AKAP12: variants seen among roughly 807,000 people sequenced by gnomAD.
AKAP12 encodes the protein A-kinase anchor protein 12.
In AKAP12, 32 loss-of-function variants were observed where a neutral mutation model predicts 79.9. That is an observed-to-expected ratio of 0.40 (90% CI 0.30 to 0.54). The LOEUF is 0.54. Among genes scored for constraint, AKAP12 ranks in the 20% least tolerant of loss-of-function variants. The pLI is 0.48. For missense variants in AKAP12, 2,074 were observed against 2,177.0 expected (o/e 0.95, Z 0.94); for synonymous variants, 808 against 857.0 (o/e 0.94, Z 1.00).
chr6:151,353,036 C>G lies in AKAP12; in HGVS notation c.4645C>G (p.Leu1549Val). The G allele has an allele frequency of 6.2e-7, 1 of 1,614,200 alleles. No homozygotes were observed. Among genetic ancestry groups the G allele is most frequent in the Non-Finnish European group, 8.5e-7 (1 of 1,180,044 alleles). ...ILELETKSSK[L>V]VQNIIQTAVD... ...GGAACTTGAGACCAAAAGCAGTAAA[C>G]TTGTCCAAAACATCATCCAGACAGC... Residue 1549 changes from leucine (L) to valine (V), a missense_variant, in exon 4 of 5, where the codon CTT (leucine) becomes GTT (valine). By Grantham distance (32) the Leu-to-Val change is conservative. Coordinates refer to ENST00000402676, the MANE Select transcript of AKAP12 (RefSeq NM_005100.4).
At chr6:151,340,222 G>A (rs1165271171) in intron 3 of AKAP12, among the ~76,000 whole-genome samples, 1 of 149,346 alleles carries the variant, frequency 6.7e-6, no homozygotes, top group East Asian at 2.0e-4. Context: ...ATGAGCCACC[G>A]CGCCCAGCGG....
Position 151,248,900 on chromosome 6 carries a change from T to C in AKAP12, c.162+8176T>C, listed in dbSNP as rs140018059. Among the ~76,000 whole-genome samples the C allele has an allele frequency of 1.9e-3, 295 of 151,938 alleles. 10 individuals carry two copies. The East Asian group carries it at 0.032, about 16-fold the overall frequency. Reference sequence around the variant, plus strand: ...TACTCGGGAGGCTGAGGCAGGAGAATCGCTTGAACCTAGGAGGTGGAGGTT... The same window carrying C: ...TACTCGGGAGGCTGAGGCAGGAGAACCGCTTGAACCTAGGAGGTGGAGGTT... On this transcript the variant is annotated intron_variant, in intron 2 of 4. Coordinates refer to ENST00000402676, the MANE Select transcript of AKAP12 (RefSeq NM_005100.4).
At chr6:151,315,247 T>C (rs540336046) in intron 3 of AKAP12, among the ~76,000 whole-genome samples, 2 of 152,308 alleles carry the variant, frequency 1.3e-5, no homozygotes, top group East Asian at 1.9e-4. Context: ...TTATTACTTA[T>C]AGTTCTGGAG....
chr6:151,288,766 T>C (rs1582858407), intron 2 of AKAP12, among the ~76,000 whole-genome samples: 1 of 152,230 alleles, frequency 6.6e-6, no homozygotes, highest in African/African-American at 2.4e-5. Context: ...AATTACTGTC[T>C]TCTGCCTCCT....
intron 2 of AKAP12, among the ~76,000 whole-genome samples, chr6:151,294,758 G>A (rs976058901): frequency 6.6e-6 from 1 of 152,176 alleles, no homozygotes; most frequent in African/African-American, 2.4e-5. Context: ...AGAGAACTCG[G>A]GAGTTTTAAT....
Position 151,350,914 on chromosome 6 carries a change from T to C in AKAP12, c.2523T>C (p.Ser841=). ...AGPTGANEDD[S]DVPAVVPLSE... ...CAACAGGGGCCAACGAAGATGACTC[T>C]GATGTCCCGGCCGTGGTCCCTCTGT... The change falls in exon 4 of 5, where the codon TCT becomes TCC. Residue 841 remains serine, a synonymous_variant. Transcript: ENST00000402676. The surrounding 1 kb of genome is among the most constrained non-coding windows in gnomAD (Gnocchi z 4.8). The C allele has an allele frequency of 6.2e-7, 1 of 1,614,058 alleles. No homozygotes were observed. Among genetic ancestry groups the C allele is most frequent in the East Asian group, 2.2e-5 (1 of 44,862 alleles).
At chr6:151,278,632 A>G (rs1776332400) in intron 2 of AKAP12, among the ~76,000 whole-genome samples, 1 of 151,654 alleles carries the variant, frequency 6.6e-6, no homozygotes, top group African/African-American at 2.4e-5. Context: ...TCTCTCTGAG[A>G]TGATGTTATT....
At chr6:151,321,804 G>A (rs762944699) in intron 3 of AKAP12, among the ~76,000 whole-genome samples, 110 of 151,744 alleles carry the variant, frequency 7.2e-4, no homozygotes, top group Non-Finnish European at 1.2e-3. Flanking sequence ...TCCCAATAGC[G>A]ATGTGTGAGG....
At chr6:151,340,766 T>C (rs968224565) in intron 3 of AKAP12, among the ~76,000 whole-genome samples, 3 of 120,790 alleles carry the variant, frequency 2.5e-5, no homozygotes, top group African/African-American at 1.4e-4. Context: ...CCATTGTGTT[T>C]TTGCTTGATT....
chr6:151,349,478 G>C lies in AKAP12; in HGVS notation c.1087G>C (p.Glu363Gln). The change falls in exon 4 of 5, where the codon GAA becomes CAA. Residue 363 changes from glutamate (E) to glutamine (Q), a missense_variant. Transcript: ENST00000402676. The part of the protein sequence containing the change: ...SEQAHPQEPA[E>Q]SAHEPRLSAE... ...GCAAGCCCACCCACAGGAGCCGGCA[G>C]AAAGTGCCCACGAGCCCCGGTTATC... 6.2e-7 allele frequency: 1 copy of C among 1,606,880 alleles called. No homozygotes were observed. The highest frequency in any genetic ancestry group is 8.5e-7 in the Non-Finnish European group (1 of 1,177,940).
At chr6:151,322,671 C>G (rs990053773) in intron 3 of AKAP12, among the ~76,000 whole-genome samples, 4 of 140,882 alleles carry the variant, frequency 2.8e-5, no homozygotes, top group African/African-American at 1.3e-4. Flanking sequence ...AGAGGTGAGC[C>G]AAACTAGAGC....
intron 3 of AKAP12, among the ~76,000 whole-genome samples, chr6:151,321,821 C>T (rs3963366): frequency 6.6e-6 from 1 of 151,398 alleles, no homozygotes; most frequent in African/African-American, 2.4e-5. Context: ...GAGGGTTCCA[C>T]CTTCTCCATT....
intron 3 of AKAP12, among the ~76,000 whole-genome samples, chr6:151,312,387 C>T (rs115998837): frequency 0.011 from 1,649 of 152,050 alleles, 35 homozygotes; most frequent in African/African-American, 0.038. Context: ...GTGGGAGGAT[C>T]GCTTGACTTG....
chr6:151,240,413 C>G lies in AKAP12; in HGVS notation c.-150C>G, dbSNP rs1796947250. 2 of 788,588 alleles carry G rather than the reference C, an allele frequency of 2.5e-6. No homozygotes were observed. The highest frequency in any genetic ancestry group is 1.7e-6 in the Non-Finnish European group (1 of 576,296). 48.8% of individuals were successfully genotyped at this position (788,588 alleles called of 1,614,324 possible). A position where few individuals can be genotyped will look rare whatever the true frequency, so the allele number is the denominator to read the frequency against. ...TTGCCGCGAGCGCGTCTCCTTCATT[C>G]GCAGGCTGGGCGCGTTCGCAGTCGG... On this transcript the variant is annotated 5_prime_UTR_variant, in exon 2 of 5. Coordinates refer to ENST00000402676, the MANE Select transcript of AKAP12 (RefSeq NM_005100.4).
intron 4 of AKAP12, 60 bp downstream of exon 4, chr6:151,353,812 G>A: frequency 8.3e-7 from 1 of 1,208,826 alleles, no homozygotes; most frequent in Non-Finnish European, 1.1e-6. Flanking sequence ...TGGCAAATTT[G>A]TTACATAAGG....
rs1778437096 is a variant in AKAP12, at chr6:151,356,260, A to G, written c.*546A>G. 6.6e-6 allele frequency: 1 copy of G among 152,650 alleles called. No homozygotes were observed. Among genetic ancestry groups the G allele is most frequent in the Non-Finnish European group, 1.5e-5 (1 of 68,044 alleles). The allele number at this position is 152,650 out of a possible 1,614,324, so 9.5% of individuals were successfully genotyped here. A position where few individuals can be genotyped will look rare whatever the true frequency, so the allele number is the denominator to read the frequency against. ...CCTCCTAGATGTAACATTCCTGATC[A>G]AGGTACAATTCTTTAAAATTCACTA... On this transcript the variant is annotated 3_prime_UTR_variant, in exon 5 of 5. Coordinates refer to ENST00000402676, the MANE Select transcript of AKAP12 (RefSeq NM_005100.4).
chr6:151,322,466 C>T (rs571518343), intron 3 of AKAP12, among the ~76,000 whole-genome samples: 18 of 152,298 alleles, frequency 1.2e-4, no homozygotes, highest in African/African-American at 4.1e-4. Flanking sequence ...CCCGCCAAGC[C>T]CCCAACTCCC....
chr6:151,337,655 C>T (rs1277672917), intron 3 of AKAP12, among the ~76,000 whole-genome samples: 1 of 152,152 alleles, frequency 6.6e-6, no homozygotes, highest in Non-Finnish European at 1.5e-5. Flanking sequence ...TTTTCCCTCG[C>T]TTGCTATATT....
Position 151,349,824 on chromosome 6 carries a change from A to C in AKAP12, c.1433A>C (p.Gln478Pro). 1 of 1,614,176 alleles carries C rather than the reference A, an allele frequency of 6.2e-7. No homozygotes were observed. Among genetic ancestry groups the C allele is most frequent in the Non-Finnish European group, 8.5e-7 (1 of 1,180,026 alleles). ...ETCVSGEDPT[Q>P]GADLSPDEKV... is the part of the protein sequence containing the mutation. ...TGTGTTTCCGGAGAGGACCCTACAC[A>C]GGGAGCTGACCTCAGTCCTGATGAG... Residue 478 changes from glutamine to proline, a missense_variant, in exon 4 of 5, where the codon CAG (glutamine) becomes CCG (proline). Transcript: ENST00000402676.
Sources: allele counts gnomAD v4.1 joint callset (sites outside exome capture counted in the v4.1 genomes callset), GRCh38; gene constraint gnomAD v4.1.1; non-coding constraint Gnocchi (gnomAD v3.1); transcripts MANE v1.5; gene names NCBI Gene and HGNC (gene_info 2026-07-23, HGNC 2026-07-21).